GLP2R: variants seen among roughly 807,000 people sequenced by gnomAD.
GLP2R encodes glucagon-like peptide 2 receptor.
A neutral mutation model predicts 68.2 loss-of-function variants in GLP2R; 59 were observed. The observed-to-expected ratio is 0.87, with a 90% confidence interval of 0.70 to 1.07. The LOEUF (loss-of-function observed/expected upper bound fraction) is 1.07, where lower values mean the gene tolerates loss of function less well. Among genes scored for constraint, GLP2R ranks in the 50% least tolerant of loss-of-function variants. The pLI, the probability that GLP2R is intolerant of heterozygous loss-of-function variation, is 0.00. For missense variants in GLP2R, 548 were observed against 677.4 expected (o/e 0.81, Z 2.12); for synonymous variants, 270 against 265.4 (o/e 1.02, Z -0.17).
intron 4 of GLP2R, chr17:9,853,266 G>GGGGCCT (rs2066907974): frequency 3.5e-6 from 1 of 285,856 alleles, no homozygotes; most frequent in African/African-American, 2.2e-5. Flanking sequence ...ACATAGTTCT[G>GGGGCCT]GGGCCTCCGG....
At chr17:9,883,147 C>G (rs1412947376) in intron 11 of GLP2R, among the ~76,000 whole-genome samples, 1 of 152,024 alleles carries the variant, frequency 6.6e-6, no homozygotes. Context: ...TCAATTATCT[C>G]AATTCAATAG....
At chr17:9,830,282 C>T (rs528642573) in intron 1 of GLP2R, among the ~76,000 whole-genome samples, 34 of 152,266 alleles carry the variant, frequency 2.2e-4, no homozygotes, top group Admixed American at 2.0e-3. Flanking sequence ...AATCAGGTCC[C>T]GGAGAGGTCC....
intron 4 of GLP2R, among the ~76,000 whole-genome samples, chr17:9,845,748 C>CGTGT (rs60266643): frequency 0.04 from 5,967 of 148,318 alleles, 148 homozygotes; most frequent in Non-Finnish European, 0.056. Context: ...TGTGTGTGTG[C>CGTGT]GTGTGTGTGT....
At chr17:9,861,947 G>A in intron 8 of GLP2R, 74 bp from the exon 9 acceptor site, 1 of 999,738 alleles carries the variant, frequency 1.0e-6, no homozygotes, top group Non-Finnish European at 1.6e-6. Context: ...TTCTTCCAGA[G>A]AGCATGAGGC....
intron 4 of GLP2R, among the ~76,000 whole-genome samples, chr17:9,852,101 CG>C (rs2152037106): frequency 6.7e-6 from 1 of 148,508 alleles, no homozygotes; most frequent in Non-Finnish European, 1.5e-5. Flanking sequence ...ATGTGCAGAA[CG>C]GGCAGGTTTG....
intron 5 of GLP2R, among the ~76,000 whole-genome samples, chr17:9,857,163 G>A (rs575860688): frequency 1.8e-4 from 27 of 152,190 alleles, no homozygotes; most frequent in African/African-American, 4.8e-4. Flanking sequence ...GTCATGATCC[G>A]CCTGTCTCGG....
intron 10 of GLP2R, among the ~76,000 whole-genome samples, chr17:9,873,668 G>T (rs1359081717): frequency 1.4e-5 from 2 of 146,784 alleles, no homozygotes; most frequent in African/African-American, 2.5e-5. Flanking sequence ...GAAGCCAAAA[G>T]GTTGGATACC....
At chr17:9,839,394 T>TC (rs1170234782) in intron 3 of GLP2R, among the ~76,000 whole-genome samples, 5 of 152,150 alleles carry the variant, frequency 3.3e-5, no homozygotes, top group South Asian at 2.1e-4. Flanking sequence ...AACAAACTCC[T>TC]CTTCCTTCTC....
At position 9,860,018 on chromosome 17, in the gene GLP2R, A is replaced by G. The variant is rs1597391591; in HGVS notation, c.842A>G (p.Glu281Gly). The G allele has an allele frequency of 6.2e-7, 1 of 1,613,610 alleles. No homozygotes were observed. The highest frequency in any genetic ancestry group is 8.5e-7 in the Non-Finnish European group (1 of 1,179,892). The stretch of plus-strand genomic sequence containing the variant: ...GCCAATTACTTATGGCTGCTGGTTG[A>G]AGGCCTCTACCTCCACACGCTGCTG... ...VGANYLWLLV[E>G]GLYLHTLLEP... The change falls in exon 7 of 13, where the codon GAA (glutamate) becomes GGA (glycine). Residue 281 changes from glutamate (E) to glycine (G), a missense_variant. By Grantham distance (98) the Glu-to-Gly change is moderately conservative (BLOSUM62 -2). Coordinates refer to ENST00000262441, the MANE Select transcript of GLP2R (RefSeq NM_004246.3).
At chr17:9,865,111 C>T (rs1269350766) in intron 9 of GLP2R, among the ~76,000 whole-genome samples, 1 of 152,152 alleles carries the variant, frequency 6.6e-6, no homozygotes, top group African/African-American at 2.4e-5. Flanking sequence ...CTCCTACTCA[C>T]TCTACCCAGA....
intron 1 of GLP2R, among the ~76,000 whole-genome samples, chr17:9,833,087 C>A (rs2066695081): frequency 6.6e-6 from 1 of 152,006 alleles, no homozygotes; most frequent in Non-Finnish European, 1.5e-5. Flanking sequence ...ATGGTGAAAA[C>A]CCATCGCTAC....
At chr17:9,872,228 C>T (rs993971481) in intron 10 of GLP2R, among the ~76,000 whole-genome samples, 10 of 152,160 alleles carry the variant, frequency 6.6e-5, no homozygotes, top group African/African-American at 2.4e-4. Context: ...TTCCTTTTAT[C>T]TGACAAATAT....
chr17:9,836,300 G>A lies in GLP2R; in HGVS notation c.278-71G>A. Reference sequence around the variant, plus strand: ...TGCCAGGAAGGTGGGCTCCCACGGTGCCTCTGCCTCCATCAGTGGCATCCC... The same window carrying A: ...TGCCAGGAAGGTGGGCTCCCACGGTACCTCTGCCTCCATCAGTGGCATCCC... On this transcript the variant is annotated intron_variant, in intron 2 of 12. Coordinates refer to ENST00000262441, the MANE Select transcript of GLP2R (RefSeq NM_004246.3). 3 of 1,023,924 alleles carry A rather than the reference G, an allele frequency of 2.9e-6. No individual in the cohort carries two copies. In the South Asian group the frequency reaches 3.9e-5, roughly 13 times the overall value. 63.4% of individuals were successfully genotyped at this position (1,023,924 alleles called of 1,614,324 possible).
In GLP2R at chr17:9,870,806, T is replaced by A. The variant is rs1284056990; in HGVS notation, c.1116T>A (p.His372Gln). The A allele has an allele frequency of 1.3e-6, 2 of 1,569,150 alleles. No individual in the cohort carries two copies. Among genetic ancestry groups the A allele is most frequent in the Non-Finnish European group, 1.8e-6 (2 of 1,138,808 alleles). ...TTCTCATTTCTAAGCTCAAAGCTCA[T>A]CAAATGTGCTTCAGAGATTATAAAT... ...LKLLISKLKA[H>Q]QMCFRDYKYR... Residue 372 changes from histidine to glutamine, a missense_variant, in exon 10 of 13, where the codon CAT (histidine) becomes CAA (glutamine). Coordinates refer to ENST00000262441, the MANE Select transcript of GLP2R (RefSeq NM_004246.3).
chr17:9,857,722 C>T, intron 6 of GLP2R, 146 bp downstream of exon 6: 1 of 755,538 alleles, frequency 1.3e-6, no homozygotes, highest in Non-Finnish European at 2.2e-6. Flanking sequence ...TAGTACGTGA[C>T]TTAACAAAAC....
intron 3 of GLP2R, 25 bp from the exon 4 acceptor site, chr17:9,842,470 C>T (rs200157490): frequency 2.8e-5 from 45 of 1,613,756 alleles, no homozygotes; most frequent in Non-Finnish European, 3.7e-5. Context: ...TCTGACCTTT[C>T]CTCCAGAGCT....
rs542498319 is a variant in GLP2R at position 9,839,162 on chromosome 17, G to A, written c.382+2687G>A. On this transcript the variant is annotated intron_variant, in intron 3 of 12. Coordinates refer to ENST00000262441, the MANE Select transcript of GLP2R (RefSeq NM_004246.3). ...GTAGTCTGGGAGAATGACATTGAGAGCATGCAGCTATTGGACACAGGAATG... is the reference window on the plus strand; with the variant it reads ...GTAGTCTGGGAGAATGACATTGAGAACATGCAGCTATTGGACACAGGAATG... Among the ~76,000 whole-genome samples, 16 of 152,300 alleles carry A rather than the reference G, an allele frequency of 1.1e-4. No individual in the cohort carries two copies. In the Middle Eastern group the frequency reaches 0.014, roughly 130 times the overall value.
intron 1 of GLP2R, among the ~76,000 whole-genome samples, chr17:9,833,438 T>C (rs2066699408): frequency 6.6e-6 from 1 of 152,206 alleles, no homozygotes; most frequent in East Asian, 1.9e-4. Flanking sequence ...TTCTGTCACA[T>C]TGTTGCGTCT....
At chr17:9,875,956 C>T (rs527630191) in intron 10 of GLP2R, among the ~76,000 whole-genome samples, 6 of 152,228 alleles carry the variant, frequency 3.9e-5, no homozygotes, top group Admixed American at 6.5e-5. Flanking sequence ...TGGCTCAGCA[C>T]AACTTCCGTC....
Sources: allele counts gnomAD v4.1 joint callset (sites outside exome capture counted in the v4.1 genomes callset), GRCh38; gene constraint gnomAD v4.1.1; transcripts MANE v1.5; gene names NCBI Gene and HGNC (gene_info 2026-07-23, HGNC 2026-07-21).